The following SOX6 variants were observed in gnomAD, a reference collection of about 807,000 sequenced individuals.
SOX6 encodes SRY-box transcription factor 6.
In SOX6, 11 loss-of-function variants were observed where a neutral mutation model predicts 97.8. That is an observed-to-expected ratio of 0.11 (90% CI 0.07 to 0.19). SOX6 has a LOEUF of 0.19. Among genes scored for constraint, SOX6 ranks in the 10% least tolerant of loss-of-function variants. The pLI, the probability that SOX6 is intolerant of heterozygous loss-of-function variation, is 1.00. For missense variants in SOX6, 810 were observed against 1,039.5 expected (o/e 0.78, Z 3.04); for synonymous variants, 360 against 371.4 (o/e 0.97, Z 0.35).
At chr11:16,282,953 A>G (rs1854608121) in intron 3 of SOX6, among the ~76,000 whole-genome samples, 1 of 149,092 alleles carries the variant, frequency 6.7e-6, no homozygotes, top group Admixed American at 6.7e-5. Context: ...ATAATTGCCC[A>G]TATTAAAAAT....
chr11:16,506,592 T>C (rs1860792269), intron 4 of SOX6, among the ~76,000 whole-genome samples: 1 of 152,230 alleles, frequency 6.6e-6, no homozygotes, highest in Non-Finnish European at 1.5e-5. Flanking sequence ...ACATGAGATT[T>C]GGCAGGGGCC....
chr11:16,504,247 C>T (rs923269742), intron 4 of SOX6, among the ~76,000 whole-genome samples: 3 of 151,896 alleles, frequency 2.0e-5, no homozygotes, highest in Admixed American at 6.6e-5. Context: ...CTAGCCAGAA[C>T]AATTAGGCAA....
chr11:16,649,570 C>T (rs1849062780), intron 3 of SOX6, among the ~76,000 whole-genome samples: 1 of 152,088 alleles, frequency 6.6e-6, no homozygotes, highest in Non-Finnish European at 1.5e-5. Context: ...CAAACAAATG[C>T]TGAGAGAATT....
intron 13 of SOX6, among the ~76,000 whole-genome samples, chr11:15,996,495 G>A (rs1019619791): frequency 1.3e-5 from 2 of 151,772 alleles, no homozygotes; most frequent in Non-Finnish European, 1.5e-5. Flanking sequence ...TAGGTGTGGC[G>A]GCATGCACCT....
At chr11:16,125,149 T>C (rs1262688293) in intron 6 of SOX6, among the ~76,000 whole-genome samples, 4 of 152,088 alleles carry the variant, frequency 2.6e-5, no homozygotes, top group Non-Finnish European at 5.9e-5. Context: ...CATTTTCAAA[T>C]ACTTGTACTC....
intron 1 of SOX6, among the ~76,000 whole-genome samples, chr11:16,380,633 C>A (rs375218711): frequency 4.1e-4 from 63 of 152,140 alleles, no homozygotes; most frequent in African/African-American, 1.5e-3. Context: ...AAAAGCAAAT[C>A]TCATAAACTT....
At chr11:16,022,191 C>T (rs1022270051) in intron 12 of SOX6, among the ~76,000 whole-genome samples, 3 of 152,128 alleles carry the variant, frequency 2.0e-5, no homozygotes, top group African/African-American at 7.2e-5. Context: ...AAAGATATTA[C>T]TTAATGTTGC....
chr11:16,572,630 A>G (rs1847949240), intron 4 of SOX6, among the ~76,000 whole-genome samples: 1 of 152,154 alleles, frequency 6.6e-6, no homozygotes, highest in Non-Finnish European at 1.5e-5. Context: ...TACTCCTGAA[A>G]CTTTATAATA....
intron 1 of SOX6, among the ~76,000 whole-genome samples, chr11:16,435,030 C>A (rs1027889157): frequency 2.0e-5 from 3 of 152,112 alleles, no homozygotes; most frequent in African/African-American, 7.2e-5. Flanking sequence ...ATAGTATTCA[C>A]CACAGTTGAA....
At chr11:16,190,689 G>A (rs1851606065) in intron 4 of SOX6, among the ~76,000 whole-genome samples, 2 of 152,076 alleles carry the variant, frequency 1.3e-5, no homozygotes, top group Non-Finnish European at 2.9e-5. Flanking sequence ...CCTGTATTGG[G>A]GATCATATAT....
At chr11:16,454,439 C>G (rs1021616960) in intron 1 of SOX6, among the ~76,000 whole-genome samples, 3 of 151,368 alleles carry the variant, frequency 2.0e-5, no homozygotes, top group Non-Finnish European at 4.4e-5. Context: ...ATAAAATATT[C>G]AAGCCATATT....
At chr11:16,220,598 G>C (rs1852507928) in intron 4 of SOX6, among the ~76,000 whole-genome samples, 1 of 150,182 alleles carries the variant, frequency 6.7e-6, no homozygotes, top group South Asian at 2.1e-4. Flanking sequence ...GATAATTTGT[G>C]ATACAAGAGG....
chr11:16,279,430 A>G (rs1403855538), intron 3 of SOX6, among the ~76,000 whole-genome samples: 1 of 152,040 alleles, frequency 6.6e-6, no homozygotes, highest in African/African-American at 2.4e-5. Flanking sequence ...TAAAAATAAT[A>G]CTATTTAATA....
intron 6 of SOX6, among the ~76,000 whole-genome samples, chr11:16,152,269 G>T (rs1850478978): frequency 6.6e-6 from 1 of 152,066 alleles, no homozygotes; most frequent in Non-Finnish European, 1.5e-5. Context: ...ATATGCTGTT[G>T]TTTCTCACCA....
intron 3 of SOX6, among the ~76,000 whole-genome samples, chr11:16,278,213 T>C (rs1357224654): frequency 6.6e-6 from 1 of 152,150 alleles, no homozygotes; most frequent in African/African-American, 2.4e-5. Context: ...ATAACGTTTT[T>C]TTAATTTTTA....
chr11:16,381,579 A>G (rs1298763429), intron 1 of SOX6, among the ~76,000 whole-genome samples: 3 of 151,878 alleles, frequency 2.0e-5, no homozygotes, highest in African/African-American at 7.2e-5. Context: ...CCATCTCTAG[A>G]AAGTAAGTTT....
chr11:16,369,894 C>T (rs891632222), intron 1 of SOX6, among the ~76,000 whole-genome samples: 2 of 152,122 alleles, frequency 1.3e-5, no homozygotes, highest in African/African-American at 2.4e-5. Context: ...CAACGGACTT[C>T]CTTCCTCTAA....
intron 3 of SOX6, among the ~76,000 whole-genome samples, chr11:16,252,731 G>T (rs1274659285): frequency 1.3e-5 from 2 of 152,088 alleles, no homozygotes; most frequent in Non-Finnish European, 2.9e-5. Flanking sequence ...AACCTACCTA[G>T]GGTAAGGGAA....
intron 1 of SOX6, among the ~76,000 whole-genome samples, chr11:16,401,407 C>T (rs530095872): frequency 2.0e-5 from 3 of 151,650 alleles, no homozygotes; most frequent in East Asian, 3.9e-4. Flanking sequence ...ATCCCAGACC[C>T]TACCACGACT....
Sources: allele counts gnomAD v4.1 joint callset (sites outside exome capture counted in the v4.1 genomes callset), GRCh38; gene constraint gnomAD v4.1.1; transcripts MANE v1.5; gene names NCBI Gene and HGNC (gene_info 2026-07-23, HGNC 2026-07-21).